PROM1: variants seen among roughly 807,000 people sequenced by gnomAD.
PROM1 encodes prominin 1, also known as prominin-1.
Under a neutral mutation model 116.9 loss-of-function variants are expected in PROM1, and 105 were observed. That is an observed-to-expected ratio of 0.90 (90% CI 0.77 to 1.06). The LOEUF (loss-of-function observed/expected upper bound fraction) is 1.06. Ranked by LOEUF, PROM1 falls within the 50% of genes least tolerant of loss-of-function variation. The pLI, the probability that PROM1 is intolerant of heterozygous loss-of-function variation, is 0.00. For missense variants in PROM1, 1,122 were observed against 1,045.2 expected, an observed-to-expected ratio of 1.07 and a Z score of -1.01; for synonymous variants, 393 against 387.0, an observed-to-expected ratio of 1.02 and a Z score of -0.18.
chr4:15,980,628 T>TGGAA, intron 23 of PROM1, 91 bp from the exon 24 acceptor site: 2 of 713,306 alleles, frequency 2.8e-6, no homozygotes, highest in Non-Finnish European at 4.4e-6. Context: ...TTTTTTTTTT[T>TGGAA]TTGGAATTTT....
In PROM1 at chr4:16,016,192, T is replaced by C; in HGVS notation, c.1051A>G (p.Thr351Ala). The C allele has an allele frequency of 6.4e-7, 1 of 1,555,134 alleles. No individual in the cohort carries two copies. The highest frequency in any genetic ancestry group is 8.7e-7 in the Non-Finnish European group (1 of 1,148,582). The change falls in exon 10 of 28, where the codon ACA becomes GCA. Residue 351 changes from threonine (T) to alanine (A), a missense_variant. Physicochemically the swap from Thr to Ala is moderately conservative, Grantham distance 58. Transcript: ENST00000447510. ...TGTTGGACCAGGCCATCCAAATCTG[T>C]CCTAAGAACGTTATTAACGTTGTCA... ...ELDNVNNVLRTDLDGLVQQGY... is the reference protein window; with the variant it reads ...ELDNVNNVLRADLDGLVQQGY...
At chr4:16,080,183 T>C (rs1744771100) in intron 1 of PROM1, among the ~76,000 whole-genome samples, 1 of 130,804 alleles carries the variant, frequency 7.6e-6, no homozygotes, top group African/African-American at 2.9e-5. Context: ...CCTTACATGA[T>C]TTTGAGCCTG....
At chr4:15,987,139 G>T (rs1719636673) in intron 20 of PROM1, among the ~76,000 whole-genome samples, 1 of 152,218 alleles carries the variant, frequency 6.6e-6, no homozygotes, top group South Asian at 2.1e-4. Context: ...TTTGGCCAAT[G>T]GAACGCTGGT....
In PROM1 at chr4:16,075,761, G is replaced by T. The variant is rs778117645; in HGVS notation, c.146C>A (p.Ala49Asp). The T allele has an allele frequency of 1.9e-6, 3 of 1,613,834 alleles. No individual in the cohort carries two copies. Among genetic ancestry groups the T allele is most frequent in the Non-Finnish European group, 2.5e-6 (3 of 1,179,850 alleles). The part of the protein sequence containing the change: ...TNYETQDSHK[A>D]GPIGILFELV... Reference sequence around the variant, plus strand: ...TTCAAAGAGAATGCCAATGGGTCCAGCTTTATGGGAGTCTTGGGTCTCATA... The same window carrying T: ...TTCAAAGAGAATGCCAATGGGTCCATCTTTATGGGAGTCTTGGGTCTCATA... Residue 49 changes from alanine (A) to aspartate (D), a missense_variant, in exon 2 of 28, where the codon GCT (alanine) becomes GAT (aspartate). Physicochemically the swap from Ala to Asp is moderately radical, Grantham distance 126 (BLOSUM62 -2). Transcript: ENST00000447510.
intron 2 of PROM1, among the ~76,000 whole-genome samples, chr4:16,047,490 C>A (rs1331305780): frequency 6.6e-6 from 1 of 152,196 alleles, no homozygotes; most frequent in Non-Finnish European, 1.5e-5. Context: ...CAGGTATGAG[C>A]CACCATGCCG....
At chr4:15,988,387 C>G (rs1333087485) in intron 19 of PROM1, among the ~76,000 whole-genome samples, 1 of 152,210 alleles carries the variant, frequency 6.6e-6, no homozygotes, top group African/African-American at 2.4e-5. Flanking sequence ...GGTTGACAAA[C>G]TTTATCTGTA....
At chr4:16,006,278 T>G (rs767490247) in intron 13 of PROM1, among the ~76,000 whole-genome samples, 12 of 152,254 alleles carry the variant, frequency 7.9e-5, no homozygotes, top group Non-Finnish European at 1.3e-4. Context: ...ATAAATAGTG[T>G]GCTTAAGCTG....
At chr4:15,979,846 C>A in intron 25 of PROM1, 35 bp downstream of exon 25, 1 of 1,430,996 alleles carries the variant, frequency 7.0e-7, no homozygotes, top group South Asian at 1.3e-5. Flanking sequence ...CTCCCCCATC[C>A]CATCTAGGAA....
intron 26 of PROM1, among the ~76,000 whole-genome samples, chr4:15,977,865 TG>T (rs1198522133): frequency 2.0e-5 from 3 of 152,232 alleles, no homozygotes; most frequent in Admixed American, 2.0e-4. Flanking sequence ...CCCAATGTGC[TG>T]GGATTACAGG....
intron 15 of PROM1, among the ~76,000 whole-genome samples, chr4:15,995,319 AGAAGAAGAAGAC>A (rs1388079365): frequency 1.4e-5 from 2 of 140,228 alleles, no homozygotes; most frequent in South Asian, 2.3e-4. Flanking sequence ...AGAGAGAAAA[AGAAGAAGAAGAC>A]GAAGAAGACG....
At chr4:16,076,960 G>A (rs1424094752) in intron 1 of PROM1, among the ~76,000 whole-genome samples, 9 of 152,128 alleles carry the variant, frequency 5.9e-5, no homozygotes, top group Admixed American at 5.9e-4. Flanking sequence ...CGGAAGGCCG[G>A]AAGACCGCAG....
intron 22 of PROM1, among the ~76,000 whole-genome samples, chr4:15,984,896 C>T (rs1007348220): frequency 1.3e-5 from 2 of 152,216 alleles, no homozygotes; most frequent in Non-Finnish European, 2.9e-5. Context: ...ACTACCTCCA[C>T]CCCCGGCCTG....
intron 1 of PROM1, among the ~76,000 whole-genome samples, chr4:16,078,875 G>A (rs1242780134): frequency 6.6e-6 from 1 of 152,062 alleles, no homozygotes; most frequent in African/African-American, 2.4e-5. Context: ...AATTACTCCT[G>A]CACAAAGCTA....
chr4:15,971,257 G>C, intron 26 of PROM1, 175 bp from the exon 27 acceptor site: 1 of 552,082 alleles, frequency 1.8e-6, no homozygotes, highest in Admixed American at 3.1e-5. Flanking sequence ...TCTAGCTTCT[G>C]TTTGTATTGC....
chr4:16,072,838 G>A (rs1743110935), intron 2 of PROM1, among the ~76,000 whole-genome samples: 2 of 152,204 alleles, frequency 1.3e-5, no homozygotes, highest in African/African-American at 4.8e-5. Flanking sequence ...TGCAGACCCT[G>A]TGTTTTGAGG....
chr4:16,081,368 A>G (rs1175900803), intron 1 of PROM1, among the ~76,000 whole-genome samples: 1 of 152,182 alleles, frequency 6.6e-6, no homozygotes, highest in South Asian at 2.1e-4. Flanking sequence ...TTATACAAAA[A>G]TTAATTCAAG....
In PROM1 at chr4:16,018,507, A is replaced by T. The variant is rs752090916; in HGVS notation, c.818T>A (p.Met273Lys). The change falls in exon 9 of 28, where the codon ATG becomes AAG. Residue 273 changes from methionine to lysine, a missense_variant. Physicochemically the swap from Met to Lys is moderately conservative, Grantham distance 95. Transcript: ENST00000447510. Reference sequence around the variant, plus strand: ...GTGCAAGCTCTTCAAGGTGCTGTTCATGTTCTCCAACGCCTCTTTGGTCTC... The same window carrying T: ...GTGCAAGCTCTTCAAGGTGCTGTTCTTGTTCTCCAACGCCTCTTTGGTCTC... Reference protein sequence around the residue: ...IKETKEALENMNSTLKSLHQQ... With the variant: ...IKETKEALENKNSTLKSLHQQ... The T allele has an allele frequency of 6.2e-7, 1 of 1,611,812 alleles. No individual in the cohort carries two copies. The highest frequency in any genetic ancestry group is 1.1e-5 in the South Asian group (1 of 90,746).
At chr4:16,010,097 G>A (rs1726534593) in intron 11 of PROM1, among the ~76,000 whole-genome samples, 1 of 152,128 alleles carries the variant, frequency 6.6e-6, no homozygotes, top group African/African-American at 2.4e-5. Flanking sequence ...AAGTACATCT[G>A]TGTCTTTTCT....
At chr4:15,983,278 C>A (rs1718426095) in intron 23 of PROM1, among the ~76,000 whole-genome samples, 1 of 152,158 alleles carries the variant, frequency 6.6e-6, no homozygotes, top group Non-Finnish European at 1.5e-5. Context: ...AGTGAATATT[C>A]ATTGAGTGCT....
Sources: gnomAD v4.1 joint callset for allele counts (sites outside exome capture counted in the v4.1 genomes callset) on GRCh38, gnomAD v4.1.1 for gene constraint, MANE v1.5 for transcripts, NCBI Gene and HGNC (gene_info 2026-07-23, HGNC 2026-07-21) for gene names.